KIF15: variants seen among roughly 807,000 people sequenced by gnomAD.
KIF15 encodes the protein kinesin family member 15.
Under a neutral mutation model 190.6 loss-of-function variants are expected in KIF15, and 140 were observed. The ratio of observed to expected loss-of-function variants is 0.73; its 90% CI spans 0.64 to 0.84. KIF15 has a LOEUF of 0.84. Among genes scored for constraint, KIF15 ranks in the 40% least tolerant of loss-of-function variants. The probability of loss-of-function intolerance (pLI) is 0.00; values close to 1 mark genes in which losing one functional copy is unlikely to be tolerated. For synonymous variants in KIF15, 528 were observed against 551.3 expected (o/e 0.96, Z 0.59); for missense variants, 1,372 against 1,584.4 (o/e 0.87, Z 2.28).
rs968605317 is a variant in KIF15, at chr3:44,808,202, T to G, written c.1971+2216T>G. On this transcript the variant is annotated intron_variant, in intron 16 of 34. Transcript: ENST00000326047. ...TTGCAGAATACTGCCAAATGTTTTA[T>G]AATTCTGTGTCTGTAGCCCCTTAGC... 2.0e-5 allele frequency among the ~76,000 whole-genome samples: 3 copies of G among 152,244 alleles called. No homozygotes were observed. In the South Asian group the frequency reaches 6.2e-4, roughly 31 times the overall value.
chr3:44,835,356 C>T (rs1258204112), intron 26 of KIF15, among the ~76,000 whole-genome samples: 1 of 152,136 alleles, frequency 6.6e-6, no homozygotes, highest in Non-Finnish European at 1.5e-5. Context: ...CCTGCCACCT[C>T]AGCCTCCCAA....
chr3:44,794,714 C>T (rs1419513441), intron 8 of KIF15, among the ~76,000 whole-genome samples: 2 of 152,156 alleles, frequency 1.3e-5, no homozygotes, highest in South Asian at 2.1e-4. Context: ...GTAATCCCAG[C>T]ACTTTGGGAA....
intron 8 of KIF15, 152 bp downstream of exon 8, chr3:44,794,578 A>G: frequency 1.8e-6 from 1 of 569,226 alleles, no homozygotes; most frequent in Non-Finnish European, 3.1e-6. Context: ...TGGCTTAGGT[A>G]TGTTGTAGGC....
Position 44,810,937 on chromosome 3 carries a change from C to T in KIF15, c.2063C>T (p.Thr688Ile), listed in dbSNP as rs1303307769. Reference protein sequence around the residue: ...PEMGSFGSLYTQNSSILDNDI... With the variant: ...PEMGSFGSLYIQNSSILDNDI... ...ATGGGAAGCTTTGGCTCTCTATACA[C>T]TCAGAATTCTAGCATATTAGATAAT... Residue 688 changes from threonine (T) to isoleucine (I), a missense_variant, in exon 17 of 35, where the codon ACT (threonine) becomes ATT (isoleucine). Transcript: ENST00000326047. The T allele has an allele frequency of 1.9e-6, 3 of 1,613,654 alleles. No homozygotes were observed. Among genetic ancestry groups the T allele is most frequent in the South Asian group, 2.2e-5 (2 of 91,010 alleles).
chr3:44,789,691 T>TATATAAAA (rs1200236750), intron 7 of KIF15, among the ~76,000 whole-genome samples: 1 of 109,770 alleles, frequency 9.1e-6, no homozygotes, highest in African/African-American at 3.7e-5. Flanking sequence ...TATATATATA[T>TATATAAAA]AAAATAGATA....
At chr3:44,860,537 T>C (rs1352235449) in intron 6 of KIF15, among the ~76,000 whole-genome samples, 3 of 151,680 alleles carry the variant, frequency 2.0e-5, no homozygotes, top group Non-Finnish European at 4.4e-5. Context: ...ACCCAGCTAA[T>C]TTTTTTTGTA....
chr3:44,824,437 T>G (rs1258004074), intron 20 of KIF15, among the ~76,000 whole-genome samples: 1 of 152,144 alleles, frequency 6.6e-6, no homozygotes, highest in African/African-American at 2.4e-5. Flanking sequence ...CTGATTGGCC[T>G]GTAATCTACT....
chr3:44,818,180 A>G (rs542660170), intron 20 of KIF15, among the ~76,000 whole-genome samples: 5 of 152,224 alleles, frequency 3.3e-5, no homozygotes, highest in Admixed American at 1.3e-4. Context: ...CAATCATGTC[A>G]TCTGCAAACA....
intron 26 of KIF15, among the ~76,000 whole-genome samples, chr3:44,833,876 C>G (rs932721186): frequency 6.6e-6 from 1 of 152,160 alleles, no homozygotes; most frequent in African/African-American, 2.4e-5. Context: ...GAAGCCACAA[C>G]CTAGGGTCCC....
intron 8 of KIF15, 69 bp downstream of exon 8, chr3:44,794,495 A>C: frequency 2.6e-6 from 3 of 1,172,032 alleles, no homozygotes; most frequent in Non-Finnish European, 3.6e-6. Context: ...GTCGTGATGC[A>C]TGACAGTGTC....
chr3:44,853,678 A>G (rs1413091342), downstream of KIF15, among the ~76,000 whole-genome samples: 1 of 152,214 alleles, frequency 6.6e-6, no homozygotes, highest in Admixed American at 6.5e-5. Flanking sequence ...CCAACAGTGT[A>G]TTCCAATTTC....
At chr3:44,812,993 A>G (rs1707862664) in intron 18 of KIF15, 82 bp from the exon 19 acceptor site, 3 of 865,920 alleles carry the variant, frequency 3.5e-6, no homozygotes, top group Non-Finnish European at 5.3e-6. Context: ...TCAAAAAAAA[A>G]AAAAGAAACA....
chr3:44,777,992 T>C, intron 3 of KIF15, 123 bp from the exon 4 acceptor site: 2 of 747,654 alleles, frequency 2.7e-6, no homozygotes, highest in South Asian at 3.0e-5. Flanking sequence ...GTTTAGCCTT[T>C]TTTCTGTAGT....
intron 4 of KIF15, 51 bp downstream of exon 4, chr3:44,778,242 CTGTTGCTGT>C (rs1334254984): frequency 1.5e-6 from 2 of 1,363,120 alleles, no homozygotes; most frequent in Non-Finnish European, 2.1e-6. Context: ...AATTATTTTC[CTGTTGCTGT>C]TGTAACAAAT....
chr3:44,783,354 A>G (rs1706254044), intron 5 of KIF15, among the ~76,000 whole-genome samples: 2 of 152,160 alleles, frequency 1.3e-5, no homozygotes, highest in Admixed American at 6.5e-5. Flanking sequence ...TGAGAGAGGA[A>G]AGTGAGAGAG....
At chr3:44,793,861 T>A (rs964088088) in intron 7 of KIF15, among the ~76,000 whole-genome samples, 3 of 151,684 alleles carry the variant, frequency 2.0e-5, no homozygotes, top group Non-Finnish European at 4.4e-5. Context: ...CCTATTCTTG[T>A]TCCTTTTTTT....
chr3:44,826,238 A>C, intron 21 of KIF15, 49 bp downstream of exon 21: 1 of 1,556,242 alleles, frequency 6.4e-7, no homozygotes, highest in East Asian at 2.3e-5. Context: ...TGTCCTTTTG[A>C]GTGTAGGACA....
At chr3:44,798,056 T>C (rs1707080483) in intron 10 of KIF15, 100 bp downstream of exon 10, 3 of 1,096,330 alleles carry the variant, frequency 2.7e-6, no homozygotes, top group Non-Finnish European at 3.8e-6. Context: ...TTAACTTTTA[T>C]TTATTTCTCA....
At position 44,789,988 on chromosome 3, in the gene KIF15, G is replaced by A. The variant is rs187416422; in HGVS notation, c.639+3414G>A. On this transcript the variant is annotated intron_variant, in intron 7 of 34. Transcript: ENST00000326047. ...ATAATTATTTACCCAGGTTTTGGTG[G>A]ATAAGTGAGTGATGGCAGTCATGGT... 3.4e-3 allele frequency among the ~76,000 whole-genome samples: 518 copies of A among 152,154 alleles called. 1 individual carries two copies. The highest frequency in any genetic ancestry group is 0.02 in the Middle Eastern group (6 of 294).
Sources: allele counts gnomAD v4.1 joint callset (sites outside exome capture counted in the v4.1 genomes callset), GRCh38; gene constraint gnomAD v4.1.1; transcripts MANE v1.5; gene names NCBI Gene and HGNC (gene_info 2026-07-23, HGNC 2026-07-21).